KCNQ5: variants seen among roughly 807,000 people sequenced by gnomAD.
KCNQ5 encodes the protein potassium voltage-gated channel subfamily Q member 5, also known as potassium voltage-gated channel subfamily KQT member 5.
KCNQ5 carries 30 observed loss-of-function variants against 98.2 expected under a neutral mutation model. The ratio of observed to expected loss-of-function variants is 0.31; its 90% confidence interval spans 0.23 to 0.41. The LOEUF is 0.41. Ranked by LOEUF, KCNQ5 falls within the 10% of genes least tolerant of loss-of-function variation. The probability of loss-of-function intolerance (pLI) is 1.00; values close to 1 mark genes in which losing one functional copy is unlikely to be tolerated. For synonymous variants in KCNQ5, 458 were observed against 449.4 expected (o/e 1.02, Z -0.24); for missense variants, 835 against 1,182.5 (o/e 0.71, Z 4.31).
At chr6:72,983,312 C>G (rs1768567530) in intron 1 of KCNQ5, among the ~76,000 whole-genome samples, 1 of 152,188 alleles carries the variant, frequency 6.6e-6, no homozygotes, top group South Asian at 2.1e-4. Context: ...GTACACCAAT[C>G]AAATGTAGAT....
At chr6:73,140,639 A>G (rs1776666789) in intron 10 of KCNQ5, among the ~76,000 whole-genome samples, 1 of 152,234 alleles carries the variant, frequency 6.6e-6, no homozygotes, top group African/African-American at 2.4e-5. Flanking sequence ...AAAAGGATTT[A>G]TTGAGAATGA....
chr6:72,763,083 C>A (rs186226900), intron 1 of KCNQ5, among the ~76,000 whole-genome samples: 305 of 152,018 alleles, frequency 2.0e-3, no homozygotes, highest in African/African-American at 7.1e-3. Context: ...TAGGGGTAAA[C>A]TGTGAATCAT....
chr6:72,722,849 C>CTTTT (rs539617196), intron 1 of KCNQ5, among the ~76,000 whole-genome samples: 1,779 of 126,280 alleles, frequency 0.014, 70 homozygotes, highest in African/African-American at 0.051. Flanking sequence ...GTTTGGTTGA[C>CTTTT]TTTTTTTTTT....
intron 10 of KCNQ5, among the ~76,000 whole-genome samples, chr6:73,160,336 T>C (rs907130832): frequency 1.3e-5 from 2 of 152,094 alleles, no homozygotes; most frequent in South Asian, 2.1e-4. Flanking sequence ...TTTTTGACAA[T>C]TGGGTTTTAT....
chr6:72,764,935 T>G (rs988759208), intron 1 of KCNQ5, among the ~76,000 whole-genome samples: 2 of 152,056 alleles, frequency 1.3e-5, no homozygotes, highest in African/African-American at 4.8e-5. Flanking sequence ...ATCCATGTTA[T>G]TGCAAATGAC....
intron 1 of KCNQ5, among the ~76,000 whole-genome samples, chr6:72,871,096 C>G (rs1000071048): frequency 2.6e-5 from 4 of 152,196 alleles, no homozygotes; most frequent in African/African-American, 9.6e-5. Context: ...TGAGCATCCT[C>G]TATGCCCCAG....
intron 1 of KCNQ5, among the ~76,000 whole-genome samples, chr6:72,829,834 A>G (rs955824826): frequency 2.0e-5 from 3 of 152,182 alleles, no homozygotes; most frequent in Non-Finnish European, 4.4e-5. Flanking sequence ...GAGTAGTGGG[A>G]AAGTGGAACT....
chr6:72,706,382 C>G (rs1769082476), intron 1 of KCNQ5, among the ~76,000 whole-genome samples: 1 of 151,672 alleles, frequency 6.6e-6, no homozygotes, highest in Non-Finnish European at 1.5e-5. Flanking sequence ...TTAAAAGATG[C>G]CTTGCTTTGC....
At chr6:73,164,111 T>G (rs917580793) in intron 10 of KCNQ5, among the ~76,000 whole-genome samples, 5 of 152,220 alleles carry the variant, frequency 3.3e-5, no homozygotes, top group African/African-American at 4.8e-5. Flanking sequence ...ACCAGAAATA[T>G]GCCATAGGAC....
At chr6:73,112,780 A>G (rs932871582) in intron 7 of KCNQ5, among the ~76,000 whole-genome samples, 3 of 152,162 alleles carry the variant, frequency 2.0e-5, no homozygotes, top group African/African-American at 7.2e-5. Flanking sequence ...GGAGCTGGGG[A>G]AAGAAGGGGG....
chr6:72,768,868 G>A (rs1303928941), intron 1 of KCNQ5, among the ~76,000 whole-genome samples: 3 of 151,946 alleles, frequency 2.0e-5, no homozygotes, highest in Non-Finnish European at 4.4e-5. Context: ...CCCAATCTGG[G>A]ATCATCCAAC....
At chr6:72,898,329 C>T (rs183461218) in intron 1 of KCNQ5, among the ~76,000 whole-genome samples, 20 of 152,222 alleles carry the variant, frequency 1.3e-4, no homozygotes, top group Non-Finnish European at 2.4e-4. Flanking sequence ...TCGCCACTCC[C>T]CACCCCCGGC....
intron 1 of KCNQ5, among the ~76,000 whole-genome samples, chr6:72,950,819 C>A (rs1007923410): frequency 6.6e-6 from 1 of 152,156 alleles, no homozygotes; most frequent in African/African-American, 2.4e-5. Context: ...GGGGGAAACC[C>A]AAATATTGAC....
At chr6:72,790,204 A>G (rs747259623) in intron 1 of KCNQ5, among the ~76,000 whole-genome samples, 30 of 152,356 alleles carry the variant, frequency 2.0e-4, no homozygotes, top group Non-Finnish European at 3.2e-4. Flanking sequence ...TTTGTGCTCT[A>G]TAGAATGACT....
chr6:72,888,587 A>C (rs754609507), intron 1 of KCNQ5, among the ~76,000 whole-genome samples: 59 of 152,172 alleles, frequency 3.9e-4, no homozygotes, highest in Admixed American at 2.6e-4. Context: ...ATTTGCGATG[A>C]ACCATACATG....
intron 1 of KCNQ5, among the ~76,000 whole-genome samples, chr6:72,863,497 A>G (rs1042116654): frequency 6.6e-6 from 1 of 152,216 alleles, no homozygotes; most frequent in East Asian, 1.9e-4. Flanking sequence ...TTGCCATTAC[A>G]CACAGTGCAT....
Position 72,739,221 on chromosome 6 carries a change from GTTTAT to G in KCNQ5, c.398+116639_398+116643del, listed in dbSNP as rs987375266. On this transcript the variant is annotated intron_variant, in intron 1 of 13. Coordinates refer to ENST00000370398, the MANE Select transcript of KCNQ5 (RefSeq NM_019842.4). ...ACCTAAAAGTGCTCTTGAAAATGAAGTTTATTTTAAATAAAAGAAAGGAATTATGA... is the reference window on the plus strand; with the variant it reads ...ACCTAAAAGTGCTCTTGAAAATGAAGTTTAAATAAAAGAAAGGAATTATGA... Among the ~76,000 whole-genome samples, 40 of 152,214 alleles carry G rather than the reference GTTTAT, an allele frequency of 2.6e-4. No individual in the cohort carries two copies. In the East Asian group the frequency reaches 5.2e-3, roughly 20 times the overall value.
At chr6:73,113,078 G>A (rs1775318734) in intron 7 of KCNQ5, among the ~76,000 whole-genome samples, 1 of 152,004 alleles carries the variant, frequency 6.6e-6, no homozygotes, top group Non-Finnish European at 1.5e-5. Flanking sequence ...ATAATCAGCA[G>A]AATGAAAAGA....
intron 1 of KCNQ5, among the ~76,000 whole-genome samples, chr6:72,962,786 C>A (rs536158215): frequency 6.6e-6 from 1 of 152,254 alleles, no homozygotes; most frequent in Admixed American, 6.5e-5. Flanking sequence ...TGGATGGAGA[C>A]AATTTACTTG....
Sources: gnomAD v4.1 joint callset for allele counts (sites outside exome capture counted in the v4.1 genomes callset) on GRCh38, gnomAD v4.1.1 for gene constraint, MANE v1.5 for transcripts, NCBI Gene and HGNC (gene_info 2026-07-23, HGNC 2026-07-21) for gene names.